The following MLIP variants were observed in gnomAD, a reference collection of about 807,000 sequenced individuals.
The protein encoded by MLIP is muscular LMNA-interacting protein.
Under a neutral mutation model 84.8 loss-of-function variants are expected in MLIP, and 79 were observed. That is an observed-to-expected ratio of 0.93 (90% CI 0.78 to 1.12). The LOEUF (loss-of-function observed/expected upper bound fraction) is 1.12, where lower values mean the gene tolerates loss of function less well. Ranked by LOEUF, MLIP falls within the 50% of genes most tolerant of loss-of-function variation. The pLI is 0.00. For missense variants in MLIP, 1,257 were observed against 1,160.6 expected (o/e 1.08, Z -1.21); for synonymous variants, 504 against 463.0 (o/e 1.09, Z -1.14).
rs537902725 is a variant in MLIP at position 54,232,873 on chromosome 6, C to G, written c.2922+1956C>G. Among the ~76,000 whole-genome samples the G allele has an allele frequency of 1.6e-3, 246 of 152,238 alleles. 2 individuals carry two copies. Among genetic ancestry groups the G allele is most frequent in the African/African-American group, 5.1e-3 (211 of 41,500 alleles). ...GGAGAACCATGCTGAACTTGTCTTA[C>G]CAGTCTTTAGAGTCCCTCTTCAGCT... On this transcript the variant is annotated intron_variant, in intron 12 of 13. Transcript: ENST00000502396.
intron 3 of MLIP, among the ~76,000 whole-genome samples, chr6:54,125,520 A>G (rs1770850267): frequency 6.6e-6 from 1 of 152,196 alleles, no homozygotes; most frequent in African/African-American, 2.4e-5. Flanking sequence ...GAGAAGACCC[A>G]CATCTGTGAT....
At chr6:54,192,118 C>CA (rs1468746933) in intron 10 of MLIP, among the ~76,000 whole-genome samples, 1 of 151,818 alleles carries the variant, frequency 6.6e-6, no homozygotes, top group East Asian at 1.9e-4. Context: ...TCTCTAGTGG[C>CA]AAAACTACAA....
chr6:54,212,765 A>G (rs1779552019), intron 11 of MLIP, among the ~76,000 whole-genome samples: 1 of 152,220 alleles, frequency 6.6e-6, no homozygotes, highest in South Asian at 2.1e-4. Context: ...AAAACCCCTA[A>G]GAGATAATTT....
intron 4 of MLIP, among the ~76,000 whole-genome samples, chr6:54,147,515 A>G (rs956669689): frequency 6.6e-6 from 1 of 152,090 alleles, no homozygotes; most frequent in South Asian, 2.1e-4. Flanking sequence ...AGGAGATGGG[A>G]GTGTAGGTTC....
At chr6:54,019,203 CT>C in intron 1 of MLIP, 1 of 1,062,962 alleles carries the variant, frequency 9.4e-7, no homozygotes. Flanking sequence ...CCATGTTTTG[CT>C]GGTCAATAAC....
rs1432857776 is a variant in MLIP, at chr6:54,068,034, T to TCC, written c.63+48943_63+48944insCC. On this transcript the variant is annotated intron_variant, in intron 1 of 12. Transcript: ENST00000274897. ...TCAGCTCCTTCCTTCCTTCCTTCCT[T>TCC]TTTTCTTTCCTTCCTTCCTTCCTTC... Among the ~76,000 whole-genome samples, 83 of 46,344 alleles carry TCC rather than the reference T, an allele frequency of 1.8e-3. 3 individuals are homozygous for TCC. The highest frequency in any genetic ancestry group is 3.3e-3 in the African/African-American group (77 of 23,578). The allele number at this position is 46,344 out of a possible 152,430, so 30.4% of individuals were successfully genotyped here. A position where few individuals can be genotyped will look rare whatever the true frequency, so the allele number is the denominator to read the frequency against.
At chr6:54,228,213 A>AAG (rs76721771) in intron 11 of MLIP, among the ~76,000 whole-genome samples, 7,844 of 115,976 alleles carry the variant, frequency 0.068, 1,109 homozygotes, top group African/African-American at 0.1. Flanking sequence ...AAAAAAAAAA[A>AAG]AGAGAAAGAA....
intron 13 of MLIP, among the ~76,000 whole-genome samples, chr6:54,259,839 C>G (rs1394241635): frequency 6.6e-6 from 1 of 151,832 alleles, no homozygotes; most frequent in Non-Finnish European, 1.5e-5. Flanking sequence ...CTTTTTACAA[C>G]TTCTTATGAT....
intron 1 of MLIP, among the ~76,000 whole-genome samples, chr6:54,064,751 T>G (rs1343367288): frequency 3.0e-5 from 3 of 98,662 alleles, no homozygotes; most frequent in African/African-American, 7.7e-5. Flanking sequence ...GACTCTAGAG[T>G]TAGCAAGCAG....
chr6:54,129,030 G>A (rs1334864994), intron 3 of MLIP, among the ~76,000 whole-genome samples: 3 of 151,946 alleles, frequency 2.0e-5, no homozygotes, highest in Non-Finnish European at 2.9e-5. Flanking sequence ...AGAGGAATGT[G>A]GAACATGAAA....
At chr6:54,111,282 A>G (rs930540182), upstream of MLIP, 21 of 898,388 alleles carry the variant, frequency 2.3e-5, 1 homozygote, top group Non-Finnish European at 3.2e-5. Flanking sequence ...ATGACCTCTC[A>G]TAATGTTCCA....
intron 12 of MLIP, among the ~76,000 whole-genome samples, chr6:54,231,489 C>T (rs1015564699): frequency 6.6e-6 from 1 of 151,718 alleles, no homozygotes; most frequent in African/African-American, 2.4e-5. Flanking sequence ...GTGTGTCTGT[C>T]TGTCTGAGTG....
chr6:54,181,769 G>A (rs921360963), intron 9 of MLIP, among the ~76,000 whole-genome samples: 1 of 152,168 alleles, frequency 6.6e-6, no homozygotes, highest in African/African-American at 2.4e-5. Flanking sequence ...CAAGGCAGCG[G>A]GTTCTCTTTT....
At chr6:54,087,229 T>C (rs1767555718) in intron 1 of MLIP, among the ~76,000 whole-genome samples, 3 of 152,274 alleles carry the variant, frequency 2.0e-5, no homozygotes, top group Admixed American at 1.3e-4. Context: ...CAACAACCTA[T>C]AGCTGTGCCT....
chr6:54,096,024 T>C (rs962676452), intron 1 of MLIP, among the ~76,000 whole-genome samples: 2 of 152,258 alleles, frequency 1.3e-5, no homozygotes, highest in South Asian at 4.2e-4. Flanking sequence ...AAAAGGCATG[T>C]TCTGCACAAC....
intron 1 of MLIP, among the ~76,000 whole-genome samples, chr6:54,064,314 C>T: frequency 1.0e-5 from 1 of 99,860 alleles, no homozygotes; most frequent in East Asian, 2.7e-4. Context: ...AGACCACTAG[C>T]TGTTGATGGT....
rs570960157 is a variant in MLIP at position 54,179,398 on chromosome 6, A to G, written c.2544+9826A>G. Among the ~76,000 whole-genome samples, 30 of 152,246 alleles carry G rather than the reference A, an allele frequency of 2.0e-4. 1 individual carries two copies. The South Asian group carries it at 2.7e-3, about 14-fold the overall frequency. On this transcript the variant is annotated intron_variant, in intron 9 of 13. Transcript: ENST00000502396. Reference sequence around the variant, plus strand: ...GGACAGCTTAGTTCTCACACATTGAATGATATTATTGATAAGTAGGGACTT... The same window carrying G: ...GGACAGCTTAGTTCTCACACATTGAGTGATATTATTGATAAGTAGGGACTT...
chr6:54,085,359 A>G (rs1029919100), intron 1 of MLIP, among the ~76,000 whole-genome samples: 1 of 152,208 alleles, frequency 6.6e-6, no homozygotes, highest in Non-Finnish European at 1.5e-5. Context: ...GAGGTTAGTG[A>G]ACCATTTTTA....
Position 54,137,317 on chromosome 6 carries a change from T to G in MLIP, c.1248T>G (p.Leu416=). ...CCCCGGTGCCTTCCCGGCTTGCCCT[T>G]CTCACTGCCATTCTCAAGTCAAACC... ...VKSPVPSRLA[L]LTAILKSNPS... is the part of the protein sequence containing the mutation. The change falls in exon 4 of 14, where the codon CTT becomes CTG. Residue 416 remains leucine (L), a synonymous_variant. Transcript: ENST00000502396. 6.5e-7 allele frequency: 1 copy of G among 1,535,952 alleles called. No homozygotes were observed. The highest frequency in any genetic ancestry group is 8.7e-7 in the Non-Finnish European group (1 of 1,146,884).
Sources: gnomAD v4.1 joint callset for allele counts (sites outside exome capture counted in the v4.1 genomes callset) on GRCh38, gnomAD v4.1.1 for gene constraint, MANE v1.5 for transcripts, NCBI Gene and HGNC (gene_info 2026-07-23, HGNC 2026-07-21) for gene names.